Variants in DMD observed in about 807,000 individuals in gnomAD.
DMD encodes the protein mutant dystrophin.
A neutral mutation model predicts 330.1 loss-of-function variants in DMD; 63 were observed. The ratio of observed to expected loss-of-function variants is 0.19; its 90% CI spans 0.16 to 0.24. The LOEUF (loss-of-function observed/expected upper bound fraction) is 0.24, where lower values mean the gene tolerates loss of function less well. Among genes scored for constraint, DMD ranks in the 10% least tolerant of loss-of-function variants. The pLI, the probability that DMD is intolerant of heterozygous loss-of-function variation, is 1.00. For missense variants in DMD, 3,344 were observed against 2,684.1 expected (o/e 1.25, Z -5.43); for synonymous variants, 1,223 against 959.8 (o/e 1.27, Z -5.07).
intron 9 of DMD, among the ~76,000 whole-genome samples, chrX:32,690,077 A>G (rs973292425): frequency 9.0e-6 from 1 of 110,661 alleles, no homozygotes; most frequent in Non-Finnish European, 1.9e-5. Context: ...AGGCAAAAAA[A>G]AAAAAGTAAA....
chrX:32,936,265 C>T (rs2090015744), intron 2 of DMD, among the ~76,000 whole-genome samples: 1 of 110,329 alleles, frequency 9.1e-6, no homozygotes, highest in African/African-American at 3.3e-5. Flanking sequence ...GCATGCACCA[C>T]CACGCCTGGC....
At chrX:31,726,868 T>C (rs1031835838) in intron 52 of DMD, among the ~76,000 whole-genome samples, 1 of 111,719 alleles carries the variant, frequency 9.0e-6, no homozygotes, top group African/African-American at 3.3e-5. Flanking sequence ...GCCTTTCCAC[T>C]AGGCTGCAAA....
chrX:31,677,288 T>A (rs191239339), intron 53 of DMD, among the ~76,000 whole-genome samples: 23 of 111,462 alleles, frequency 2.1e-4, no homozygotes, highest in Non-Finnish European at 4.0e-4. Context: ...ACTTTAGGAT[T>A]TTCTTAGGTT....
At chrX:31,145,787 C>T (rs947346285) in intron 76 of DMD, among the ~76,000 whole-genome samples, 7 of 110,112 alleles carry the variant, frequency 6.4e-5, no homozygotes, top group Non-Finnish European at 1.1e-4. Context: ...CTCATCCTCC[C>T]GAGTAGCTGG....
At chrX:32,402,889 A>G (rs1281564757) in intron 30 of DMD, among the ~76,000 whole-genome samples, 1 of 111,603 alleles carries the variant, frequency 9.0e-6, no homozygotes, top group Non-Finnish European at 1.9e-5. Flanking sequence ...CTTTGGTGCT[A>G]TCTAATGAGT....
Position 33,095,565 on chromosome X carries a change from T to C in DMD, c.32-75365A>G, listed in dbSNP as rs377693169. Among the ~76,000 whole-genome samples the C allele has an allele frequency of 1.8e-3, 205 of 112,307 alleles. 2 individuals are homozygous for C. Among genetic ancestry groups the C allele is most frequent in the African/African-American group, 5.8e-3 (180 of 30,943 alleles). On this transcript the variant is annotated intron_variant, in intron 1 of 78. Transcript: ENST00000357033. ...TTATATTAATAATCAAGAGTGGAAC[T>C]GCAATGAAGTGCAAACTTTCTTTTT...
At chrX:32,172,496 C>T (rs1603627600) in intron 44 of DMD, among the ~76,000 whole-genome samples, 1 of 111,868 alleles carries the variant, frequency 8.9e-6, no homozygotes, top group East Asian at 2.8e-4. Context: ...CCTCCCTCTC[C>T]CTTCTCTCAA....
Position 32,571,997 on chromosome X carries a change from G to A in DMD, c.1812+1533C>T, listed in dbSNP as rs1176379602. 6.3e-5 allele frequency among the ~76,000 whole-genome samples: 7 copies of A among 111,690 alleles called. No individual in the cohort carries two copies. The Admixed American group carries it at 6.7e-4, about 11-fold the overall frequency. Reference sequence around the variant, plus strand: ...TATGATTCTTTTGCAAACTCTCAATGGCTCCCCATCAGCTGCAGGCCAAAA... The same window carrying A: ...TATGATTCTTTTGCAAACTCTCAATAGCTCCCCATCAGCTGCAGGCCAAAA... On this transcript the variant is annotated intron_variant, in intron 15 of 78. Coordinates refer to ENST00000357033, the MANE Select transcript of DMD (RefSeq NM_004006.3).
chrX:32,677,628 G>C lies in DMD; in HGVS notation c.960+20242C>G, dbSNP rs141377128. Among the ~76,000 whole-genome samples, 164 of 111,367 alleles carry C rather than the reference G, an allele frequency of 1.5e-3. 4 individuals are homozygous for C. The East Asian group carries it at 0.03, about 21-fold the overall frequency. On this transcript the variant is annotated intron_variant, in intron 9 of 78. Coordinates refer to ENST00000357033, the MANE Select transcript of DMD (RefSeq NM_004006.3). ...AAGAAAATACCCACCTTTACACAAA[G>C]TTACTATAAAAATCCTTCATGTGTG...
intron 71 of DMD, among the ~76,000 whole-genome samples, 163 bp from the exon 72 acceptor site, chrX:31,173,767 T>G (rs929846266): frequency 1.8e-5 from 2 of 111,958 alleles, no homozygotes; most frequent in Non-Finnish European, 3.8e-5. Context: ...ATCAAGTATT[T>G]TAAAATCCAG....
chrX:33,135,317 A>T (rs946468330), intron 1 of DMD, among the ~76,000 whole-genome samples: 3 of 112,174 alleles, frequency 2.7e-5, no homozygotes, highest in Non-Finnish European at 3.8e-5. Context: ...CATGTTTCAC[A>T]TTGATATATA....
intron 44 of DMD, among the ~76,000 whole-genome samples, chrX:32,053,397 C>T (rs2096133043): frequency 3.6e-5 from 4 of 110,900 alleles, no homozygotes; most frequent in African/African-American, 9.9e-5. Flanking sequence ...TAGTAGTTTA[C>T]TAGATCAACA....
At chrX:32,437,097 C>A (rs1001953219) in intron 29 of DMD, among the ~76,000 whole-genome samples, 5 of 112,255 alleles carry the variant, frequency 4.5e-5, no homozygotes, top group Non-Finnish European at 9.4e-5. Flanking sequence ...CATATCACAA[C>A]CCACATTGAA....
intron 60 of DMD, among the ~76,000 whole-genome samples, chrX:31,417,742 C>A (rs144850458): frequency 9.5e-6 from 1 of 104,969 alleles, no homozygotes; most frequent in East Asian, 3.0e-4. Flanking sequence ...GGCTAGAGTG[C>A]AATGGTGGGA....
intron 49 of DMD, among the ~76,000 whole-genome samples, chrX:31,829,024 C>G (rs1195600295): frequency 8.9e-6 from 1 of 112,009 alleles, no homozygotes; most frequent in East Asian, 2.8e-4. Context: ...AATGTGGTAT[C>G]TATATACCAT....
intron 47 of DMD, among the ~76,000 whole-genome samples, chrX:31,917,318 T>A (rs2094622032): frequency 8.9e-6 from 1 of 112,193 alleles, no homozygotes; most frequent in Non-Finnish European, 1.9e-5. Flanking sequence ...ATAGGCTAAT[T>A]GATAAACAAG....
chrX:32,714,721 A>G (rs1295703759), intron 7 of DMD, among the ~76,000 whole-genome samples: 1 of 111,850 alleles, frequency 8.9e-6, no homozygotes, highest in Admixed American at 9.5e-5. Flanking sequence ...TTATGTACTT[A>G]TATACAACTT....
chrX:33,027,171 C>A lies in DMD; in HGVS notation c.32-6971G>T, dbSNP rs543623959. On this transcript the variant is annotated intron_variant, in intron 1 of 78. Coordinates refer to ENST00000357033, the MANE Select transcript of DMD (RefSeq NM_004006.3). ...AGCTAACTTTTGATAGGGAGATTAT[C>A]CCAGATTATCTGAGTGGGCAGGATT... 5.4e-5 allele frequency among the ~76,000 whole-genome samples: 6 copies of A among 111,927 alleles called. No homozygotes were observed. The South Asian group carries it at 2.2e-3, about 41-fold the overall frequency.
intron 44 of DMD, among the ~76,000 whole-genome samples, chrX:32,204,696 A>C (rs761590757): frequency 1.4e-4 from 15 of 110,506 alleles, no homozygotes; most frequent in Admixed American, 4.9e-4. Context: ...ACGGTTCTGC[A>C]GGCTGTACAG....
Sources: allele counts gnomAD v4.1 joint callset (sites outside exome capture counted in the v4.1 genomes callset), GRCh38; gene constraint gnomAD v4.1.1; transcripts MANE v1.5; gene names NCBI Gene and HGNC (gene_info 2026-07-23, HGNC 2026-07-21).